NRK: variants seen among roughly 807,000 people sequenced by gnomAD.
NRK encodes nik-related protein kinase.
Under a neutral mutation model 125.2 loss-of-function variants are expected in NRK, and 67 were observed. That is an observed-to-expected ratio of 0.54 (90% confidence interval 0.44 to 0.66). The LOEUF is 0.66. NRK is among the 30% of genes least tolerant of loss of function. The probability of loss-of-function intolerance (pLI) is 0.00; values close to 1 mark genes in which losing one functional copy is unlikely to be tolerated. For missense variants in NRK, 1,224 were observed against 1,192.9 expected (o/e 1.03, Z -0.38); for synonymous variants, 458 against 429.0 (o/e 1.07, Z -0.84).
chrX:105,858,657 C>T (rs2039563599), intron 2 of NRK, among the ~76,000 whole-genome samples: 1 of 110,785 alleles, frequency 9.0e-6, no homozygotes. Context: ...TGATTAAGCT[C>T]AGGCAATTCC....
At chrX:105,875,941 A>G (rs2039810201) in intron 2 of NRK, among the ~76,000 whole-genome samples, 1 of 111,296 alleles carries the variant, frequency 9.0e-6, no homozygotes, top group Non-Finnish European at 1.9e-5. Flanking sequence ...AAAATTATTT[A>G]AAAAGAAAGA....
At chrX:105,850,795 T>A (rs1449829824) in intron 2 of NRK, among the ~76,000 whole-genome samples, 1 of 112,239 alleles carries the variant, frequency 8.9e-6, no homozygotes, top group Non-Finnish European at 1.9e-5. Flanking sequence ...GACTTCATTG[T>A]CCATATCACT....
At chrX:105,944,416 G>T (rs1467398285) in intron 24 of NRK, among the ~76,000 whole-genome samples, 1 of 111,596 alleles carries the variant, frequency 9.0e-6, no homozygotes, top group Non-Finnish European at 1.9e-5. Context: ...TACCATGTCA[G>T]TAATTACTGT....
intron 5 of NRK, among the ~76,000 whole-genome samples, chrX:105,890,611 C>T (rs990960886): frequency 8.9e-6 from 1 of 112,248 alleles, no homozygotes; most frequent in Non-Finnish European, 1.9e-5. Flanking sequence ...AAAGGAGGAG[C>T]AAAGTCATGT....
intron 16 of NRK, among the ~76,000 whole-genome samples, chrX:105,918,392 T>C (rs1230864273): frequency 1.8e-5 from 2 of 111,180 alleles, no homozygotes; most frequent in Non-Finnish European, 3.8e-5. Context: ...GTTGCTGATA[T>C]GTAAAAATAT....
In NRK at chrX:105,909,218, T is replaced by C. The variant is rs2040261365; in HGVS notation, c.1577T>C (p.Val526Ala). 1 of 1,207,689 alleles carries C rather than the reference T, an allele frequency of 8.3e-7. No homozygotes were observed. Among genetic ancestry groups the C allele is most frequent in the African/African-American group, 1.8e-5 (1 of 56,710 alleles). ...VPEEFQGQDQ[V>A]PEQQRQGQAP... The stretch of plus-strand genomic sequence containing the variant: ...GAGGAATTTCAGGGTCAAGATCAGG[T>C]ACCCGAACAACAAAGGCAGGGCCAG... Residue 526 changes from valine (V) to alanine (A), a missense_variant, in exon 13 of 29, where the codon GTA (valine) becomes GCA (alanine). By Grantham distance (64) the Val-to-Ala change is moderately conservative. Transcript: ENST00000243300.
chrX:105,860,293 A>G (rs1370118443), intron 2 of NRK, among the ~76,000 whole-genome samples: 1 of 111,516 alleles, frequency 9.0e-6, no homozygotes, highest in African/African-American at 3.3e-5. Flanking sequence ...CCTTTAATAT[A>G]TGAGTATTAT....
At chrX:105,916,452 A>G (rs1449802997) in intron 15 of NRK, among the ~76,000 whole-genome samples, 1 of 111,086 alleles carries the variant, frequency 9.0e-6, no homozygotes, top group Non-Finnish European at 1.9e-5. Flanking sequence ...CTCACAATAG[A>G]GAGAACTTAG....
intron 2 of NRK, among the ~76,000 whole-genome samples, chrX:105,865,155 A>G (rs2039653015): frequency 9.0e-6 from 1 of 111,653 alleles, no homozygotes; most frequent in South Asian, 3.7e-4. Flanking sequence ...TTCCACTCTG[A>G]TGAGACAATT....
intron 19 of NRK, among the ~76,000 whole-genome samples, chrX:105,933,600 G>A (rs2040624442): frequency 8.9e-6 from 1 of 112,203 alleles, no homozygotes; most frequent in Non-Finnish European, 1.9e-5. Flanking sequence ...TACATTTTCA[G>A]TGATGCATGT....
intron 17 of NRK, 107 bp from the exon 18 acceptor site, chrX:105,923,011 T>A (rs772165576): frequency 1.2e-6 from 1 of 837,020 alleles, no homozygotes; most frequent in African/African-American, 2.1e-5. Context: ...TGAACATCCT[T>A]GTTTCAGTTT....
chrX:105,948,362 A>G (rs768500968), intron 26 of NRK: 2 of 170,201 alleles, frequency 1.2e-5, no homozygotes, highest in Non-Finnish European at 2.2e-5. Context: ...TTAAAGAGAA[A>G]GGACTCTAAT....
chrX:105,902,507 C>T (rs1159791747), intron 9 of NRK, among the ~76,000 whole-genome samples: 2 of 112,295 alleles, frequency 1.8e-5, no homozygotes, highest in East Asian at 2.8e-4. Flanking sequence ...TGATAATATC[C>T]TCTGAGTTCC....
In NRK at chrX:105,955,867, T is replaced by C. The variant is rs193080693; in HGVS notation, c.*267T>C. 45 of 230,472 alleles carry C rather than the reference T, an allele frequency of 2.0e-4. 1 individual carries two copies. The highest frequency in any genetic ancestry group is 4.3e-4 in the Admixed American group (7 of 16,194). 19.0% of individuals were successfully genotyped at this position (230,472 alleles called of 1,213,427 possible). On this transcript the variant is annotated 3_prime_UTR_variant, in exon 29 of 29. Transcript: ENST00000243300. ...TTGTTACTGTGAATTCAAACATTAC[T>C]CTTTGGACAGTTTGGACAGTATCTG...
chrX:105,912,719 A>G lies in NRK; in HGVS notation c.2313A>G (p.Pro771=). ...TTCAGGCTGAAGTCCAGATAGAGCCATTGAAGCCATACATTTCAAATCCTA... is the reference window on the plus strand; with the variant it reads ...TTCAGGCTGAAGTCCAGATAGAGCCGTTGAAGCCATACATTTCAAATCCTA... ...HSIQAEVQIE[P]LKPYISNPKK... The change falls in exon 14 of 29, where the codon CCA becomes CCG. Residue 771 remains proline, a synonymous_variant. Transcript: ENST00000243300. The G allele has an allele frequency of 5.4e-6, 6 of 1,108,592 alleles. No individual in the cohort carries two copies. Among genetic ancestry groups the G allele is most frequent in the Non-Finnish European group, 7.3e-6 (6 of 826,405 alleles). The allele number at this position is 1,108,592 out of a possible 1,213,427, so 91.4% of individuals were successfully genotyped here. A position where few individuals can be genotyped will look rare whatever the true frequency, so the allele number is the denominator to read the frequency against.
At chrX:105,893,799 C>T (rs2040045051) in intron 5 of NRK, 33 bp from the exon 6 acceptor site, 1 of 911,630 alleles carries the variant, frequency 1.1e-6, no homozygotes, top group African/African-American at 1.9e-5. Context: ...AAATTGGACA[C>T]TAATTTTTTA....
At chrX:105,843,977 C>CTGTGTGTG (rs751188822) in intron 2 of NRK, among the ~76,000 whole-genome samples, 89 of 87,367 alleles carry the variant, frequency 1.0e-3, no homozygotes, top group African/African-American at 3.5e-3. Flanking sequence ...GTCCTGCACT[C>CTGTGTGTG]TGTGTGTGTG....
At position 105,880,203 on chromosome X, in the gene NRK, T is replaced by G. The variant is rs2039868045; in HGVS notation, c.128T>G (p.Leu43Arg). 1 of 1,066,335 alleles carries G rather than the reference T, an allele frequency of 9.4e-7. No individual in the cohort carries two copies. The highest frequency in any genetic ancestry group is 2.3e-5 in the South Asian group (1 of 42,744). 87.9% of individuals were successfully genotyped at this position (1,066,335 alleles called of 1,213,427 possible). A position where few individuals can be genotyped will look rare whatever the true frequency, so the allele number is the denominator to read the frequency against. The change falls in exon 3 of 29, where the codon CTT becomes CGT. Residue 43 changes from leucine (L) to arginine (R), a missense_variant. Coordinates refer to ENST00000243300, the MANE Select transcript of NRK (RefSeq NM_198465.4). ...TATCACTATCCTGTATTTCAGGGAC[T>G]TCATGAGAAGACTGGTGCATTTACA... ...LGTYGRIYLGLHEKTGAFTAV... is the reference protein window; with the variant it reads ...LGTYGRIYLGRHEKTGAFTAV...
chrX:105,830,314 CAAAAAAAAAAAAAAA>C (rs71932033), intron 1 of NRK, among the ~76,000 whole-genome samples: 12 of 11,053 alleles, frequency 1.1e-3, no homozygotes, highest in Middle Eastern at 0.077. Context: ...AACTCCGTCG[CAAAAAAAAAAAAAAA>C]AAAAAAAAAA....
Sources: gnomAD v4.1 joint callset for allele counts (sites outside exome capture counted in the v4.1 genomes callset) on GRCh38, gnomAD v4.1.1 for gene constraint, MANE v1.5 for transcripts, NCBI Gene and HGNC (gene_info 2026-07-23, HGNC 2026-07-21) for gene names.